ARHGAP28: variants seen among roughly 807,000 people sequenced by gnomAD.
The protein encoded by ARHGAP28 is Rho GTPase activating protein 28, also known as rho GTPase-activating protein 28.
In ARHGAP28, 56 loss-of-function variants were observed where a neutral mutation model predicts 90.7. The observed-to-expected ratio is 0.62, with a 90% CI of 0.50 to 0.77. The LOEUF (loss-of-function observed/expected upper bound fraction) is 0.77, where lower values mean the gene tolerates loss of function less well. ARHGAP28 is among the 30% of genes least tolerant of loss of function. The pLI is 0.00. For synonymous variants in ARHGAP28, 308 were observed against 323.3 expected, an observed-to-expected ratio of 0.95 and a Z score of 0.51; for missense variants, 869 against 900.9, an observed-to-expected ratio of 0.96 and a Z score of 0.45.
chr18:6,889,529 A>G (rs2143714294), intron 12 of ARHGAP28, among the ~76,000 whole-genome samples: 1 of 152,376 alleles, frequency 6.6e-6, no homozygotes, highest in East Asian at 1.9e-4. Flanking sequence ...CCTTCACAGC[A>G]AAACAACCTT....
At chr18:6,888,684 G>A (rs1392455633) in intron 12 of ARHGAP28, among the ~76,000 whole-genome samples, 1 of 152,096 alleles carries the variant, frequency 6.6e-6, no homozygotes, top group Non-Finnish European at 1.5e-5. Context: ...GAGTCAAAAT[G>A]TCATCTACCC....
chr18:6,894,628 C>T (rs549269165), intron 14 of ARHGAP28, among the ~76,000 whole-genome samples: 4 of 152,186 alleles, frequency 2.6e-5, no homozygotes, highest in Admixed American at 2.6e-4. Context: ...AGCAAACAAA[C>T]ATCTATATAC....
At chr18:6,758,244 G>A (rs143241087) in intron 1 of ARHGAP28, among the ~76,000 whole-genome samples, 457 of 152,214 alleles carry the variant, frequency 3.0e-3, no homozygotes, top group African/African-American at 9.3e-3. Context: ...GTGAGGGGCC[G>A]GGGAACTTGT....
At chr18:6,898,838 G>C in intron 16 of ARHGAP28, 1 of 888,222 alleles carries the variant, frequency 1.1e-6, no homozygotes. Flanking sequence ...AAGCTGTGAG[G>C]ATGTAAAGGC....
chr18:6,762,723 T>G (rs2143344278), intron 1 of ARHGAP28, among the ~76,000 whole-genome samples: 1 of 152,008 alleles, frequency 6.6e-6, no homozygotes, highest in East Asian at 1.9e-4. Flanking sequence ...GAGGGAAGAC[T>G]AAGTGAGAAT....
intron 17 of ARHGAP28, among the ~76,000 whole-genome samples, chr18:6,909,856 A>T (rs1003151660): frequency 6.6e-6 from 1 of 151,962 alleles, no homozygotes; most frequent in African/African-American, 2.4e-5. Flanking sequence ...TCCTCTCACC[A>T]GCACCCTCCA....
intron 1 of ARHGAP28, among the ~76,000 whole-genome samples, chr18:6,740,516 C>T (rs1481178857): frequency 3.3e-5 from 5 of 152,126 alleles, no homozygotes; most frequent in African/African-American, 1.2e-4. Flanking sequence ...GACCTGAATC[C>T]TCTGCAGAGG....
chr18:6,834,023 G>A (rs2056734276), intron 2 of ARHGAP28, among the ~76,000 whole-genome samples: 1 of 152,028 alleles, frequency 6.6e-6, no homozygotes, highest in African/African-American at 2.4e-5. Flanking sequence ...TACAGATGTT[G>A]CATAGAGCAG....
chr18:6,791,501 T>C (rs915498627), intron 1 of ARHGAP28: 1 of 152,212 alleles, frequency 6.6e-6, no homozygotes, highest in Non-Finnish European at 1.5e-5. Context: ...TTTTATATAA[T>C]AAGTATTTAA....
rs1397908121 is a variant in ARHGAP28 at position 6,868,219 on chromosome 18, C to A, written c.796C>A (p.Gln266Lys). ...ATCACCGGAGCCTGGACAGCCAGTT[C>A]AGAATGCGATAAGTGGTGAGCGGCA... ...NGSPEPGQPV[Q>K]NAISDDDFLE... is the part of the protein sequence containing the mutation. Residue 266 changes from glutamine (Q) to lysine (K), a missense_variant, in exon 6 of 18, where the codon CAG becomes AAG. By Grantham distance (53) the Gln-to-Lys change is moderately conservative. Coordinates refer to ENST00000383472, the MANE Select transcript of ARHGAP28 (RefSeq NM_001366230.1). 1 of 1,613,964 alleles carries A rather than the reference C, an allele frequency of 6.2e-7. No homozygotes were observed. The highest frequency in any genetic ancestry group is 1.1e-5 in the South Asian group (1 of 91,072).
At chr18:6,769,746 C>T (rs770617252) in intron 1 of ARHGAP28, among the ~76,000 whole-genome samples, 2 of 152,224 alleles carry the variant, frequency 1.3e-5, no homozygotes, top group African/African-American at 2.4e-5. Context: ...CTTTGTACTA[C>T]AGCTATTTCT....
At chr18:6,857,441 G>A (rs1019921096) in intron 4 of ARHGAP28, among the ~76,000 whole-genome samples, 1 of 152,224 alleles carries the variant, frequency 6.6e-6, no homozygotes, top group Non-Finnish European at 1.5e-5. Flanking sequence ...TGTGGAGAAC[G>A]CGTTAGCTTT....
chr18:6,790,690 TA>T (rs1279013281), intron 1 of ARHGAP28: 2 of 152,070 alleles, frequency 1.3e-5, no homozygotes, highest in African/African-American at 4.8e-5. Flanking sequence ...GTAAATGTCA[TA>T]GAAATTCGTG....
chr18:6,903,213 G>A (rs1210565090), intron 16 of ARHGAP28, among the ~76,000 whole-genome samples: 1 of 152,062 alleles, frequency 6.6e-6, no homozygotes, highest in African/African-American at 2.4e-5. Context: ...AAAGAGTTCT[G>A]AAAACAGATG....
At chr18:6,899,309 G>A (rs548093779) in intron 16 of ARHGAP28, among the ~76,000 whole-genome samples, 1 of 152,258 alleles carries the variant, frequency 6.6e-6, no homozygotes, top group South Asian at 2.1e-4. Context: ...CTGAAAGGTG[G>A]AAAGAAGAGG....
At chr18:6,788,663 T>G (rs2056384171) in intron 1 of ARHGAP28, 1 of 152,046 alleles carries the variant, frequency 6.6e-6, no homozygotes, top group South Asian at 2.1e-4. Flanking sequence ...GACGGGGTTT[T>G]ACCATGTTGG....
At chr18:6,841,146 C>CTCTCTCCTCTCTCACTG (rs2056807279) in intron 3 of ARHGAP28, among the ~76,000 whole-genome samples, 3 of 128,014 alleles carry the variant, frequency 2.3e-5, no homozygotes. Context: ...CTCTCACTGT[C>CTCTCTCCTCTCTCACTG]TCTCTCCTCT....
At position 6,828,086 on chromosome 18, in the gene ARHGAP28, C is replaced by T. The variant is rs545516281; in HGVS notation, c.325+3122C>T. Among the ~76,000 whole-genome samples, 301 of 152,234 alleles carry T rather than the reference C, an allele frequency of 2.0e-3. 2 individuals carry two copies. The highest frequency in any genetic ancestry group is 6.8e-3 in the African/African-American group (283 of 41,544). Reference sequence around the variant, plus strand: ...ATTGAGCACTGAGTTAACGAGACTCCGTCTGCAATCCCGGCACCTTGGGAG... The same window carrying T: ...ATTGAGCACTGAGTTAACGAGACTCTGTCTGCAATCCCGGCACCTTGGGAG... On this transcript the variant is annotated intron_variant, in intron 2 of 17. Transcript: ENST00000383472.
intron 7 of ARHGAP28, among the ~76,000 whole-genome samples, chr18:6,870,946 A>G (rs562351387): frequency 1.9e-3 from 287 of 152,140 alleles, no homozygotes; most frequent in East Asian, 0.011. Context: ...GACTACAGGC[A>G]CCTGCCAACT....
Sources: gnomAD v4.1 joint callset for allele counts (sites outside exome capture counted in the v4.1 genomes callset) on GRCh38, gnomAD v4.1.1 for gene constraint, MANE v1.5 for transcripts, NCBI Gene and HGNC (gene_info 2026-07-23, HGNC 2026-07-21) for gene names.